The following PUDP variants were observed in gnomAD, a reference collection of about 807,000 sequenced individuals.
PUDP encodes the protein pseudouridine 5'-phosphatase.
A neutral mutation model predicts 9.4 loss-of-function variants in PUDP; 8 were observed. That is an observed-to-expected ratio of 0.85 (90% confidence interval 0.50 to 1.53). The LOEUF is 1.53. Among genes scored for constraint, PUDP ranks in the 40% most tolerant of loss-of-function variants. PUDP has a pLI of 0.00. For missense variants in PUDP, 188 were observed against 189.7 expected (o/e 0.99, Z 0.05); for synonymous variants, 99 against 80.7 (o/e 1.23, Z -1.22).
At chrX:6,758,351 T>C (rs1925193297) in intron 3 of PUDP, among the ~76,000 whole-genome samples, 1 of 110,731 alleles carries the variant, frequency 9.0e-6, no homozygotes, top group South Asian at 3.9e-4. Flanking sequence ...TGGTCCCTGA[T>C]ACTTGGGACA....
intron 2 of PUDP, among the ~76,000 whole-genome samples, chrX:7,098,554 C>A (rs1022650061): frequency 5.4e-5 from 6 of 111,654 alleles, no homozygotes; most frequent in Non-Finnish European, 1.1e-4. Flanking sequence ...GATCATAGTA[C>A]CCCACAGTGG....
At chrX:6,708,176 A>T (rs1256347297) in intron 1 of PUDP, among the ~76,000 whole-genome samples, 1 of 111,927 alleles carries the variant, frequency 8.9e-6, no homozygotes, top group African/African-American at 3.2e-5. Flanking sequence ...GTCTGTTTCC[A>T]CATTCCTGAA....
At chrX:7,112,878 G>A (rs997380299) in intron 1 of PUDP, 2 of 111,707 alleles carry the variant, frequency 1.8e-5, no homozygotes, top group African/African-American at 6.5e-5. Flanking sequence ...GCCCAGGCTA[G>A]TCTTGAACTC....
In PUDP at chrX:6,827,412, C is replaced by T. The variant is rs1926440462; in HGVS notation, c.*248-120946G>A. Among the ~76,000 whole-genome samples, 3 of 111,861 alleles carry T rather than the reference C, an allele frequency of 2.7e-5. No homozygotes were observed. In the Admixed American group the frequency reaches 2.8e-4, roughly 11 times the overall value. ...ACACAATTTTGGGAGTTTAAATACC[C>T]TCTAGAGGATTCTATTGGTTATTTG... is the stretch of plus-strand genomic sequence containing the variant. On this transcript the variant is annotated intron_variant and NMD_transcript_variant, in intron 3 of 3. Transcript: ENST00000655425.
intron 1 of PUDP, among the ~76,000 whole-genome samples, chrX:6,992,264 G>C (rs374846458): frequency 1.1e-5 from 1 of 93,812 alleles, no homozygotes; most frequent in African/African-American, 3.8e-5. Flanking sequence ...GAATTTTCAG[G>C]GTGTCTTTTT....
intron 3 of PUDP, among the ~76,000 whole-genome samples, chrX:6,932,751 G>A (rs778914428): frequency 2.7e-5 from 3 of 111,642 alleles, no homozygotes; most frequent in East Asian, 2.9e-4. Context: ...CTGGAAAATC[G>A]GGTCACTCCC....
intron 1 of PUDP, among the ~76,000 whole-genome samples, chrX:7,117,672 A>G (rs1478322345): frequency 1.8e-5 from 2 of 113,189 alleles, no homozygotes; most frequent in Non-Finnish European, 3.7e-5. Flanking sequence ...CAGGAGAGGA[A>G]TTCAAGCAGG....
intron 3 of PUDP, among the ~76,000 whole-genome samples, chrX:6,945,974 CTT>C: frequency 9.0e-6 from 1 of 111,159 alleles, no homozygotes; most frequent in Non-Finnish European, 1.9e-5. Context: ...CACCATTAGA[CTT>C]GCTTCCCTAA....
rs1208373498 is a variant in PUDP, at chrX:7,094,848, T to G, written c.280+10772A>C. ...TACCATGACTGTCAGCGTACAATTT[T>G]CCTTTTCGCTTGTTGTGTGTGTCCT... On this transcript the variant is annotated intron_variant, in intron 2 of 3. Coordinates refer to ENST00000381077, the MANE Select transcript of PUDP (RefSeq NM_012080.5). Among the ~76,000 whole-genome samples the G allele has an allele frequency of 2.7e-5, 3 of 111,875 alleles. No homozygotes were observed. The Admixed American group carries it at 2.8e-4, about 11-fold the overall frequency.
At chrX:6,899,892 C>A (rs1348530190) in intron 3 of PUDP, among the ~76,000 whole-genome samples, 1 of 111,355 alleles carries the variant, frequency 9.0e-6, no homozygotes. Flanking sequence ...TCAGGCCTAA[C>A]TGGAAAAATT....
At chrX:6,979,977 T>C (rs1337072390) in intron 1 of PUDP, among the ~76,000 whole-genome samples, 1 of 111,165 alleles carries the variant, frequency 9.0e-6, no homozygotes, top group African/African-American at 3.3e-5. Context: ...AGGGGTTACA[T>C]GTGCAGGTTT....
chrX:7,048,301 C>T (rs1930013152), downstream of PUDP, among the ~76,000 whole-genome samples: 1 of 112,067 alleles, frequency 8.9e-6, no homozygotes, highest in Non-Finnish European at 1.9e-5. Context: ...GTCCCTAATA[C>T]GACATACTTT....
intron 3 of PUDP, among the ~76,000 whole-genome samples, chrX:6,731,852 T>C (rs771677126): frequency 1.8e-5 from 2 of 111,098 alleles, no homozygotes; most frequent in African/African-American, 6.5e-5. Context: ...TACTTCATAC[T>C]GAGTTCCTGT....
At chrX:6,751,653 T>G (rs1308832356) in intron 3 of PUDP, among the ~76,000 whole-genome samples, 3 of 111,585 alleles carry the variant, frequency 2.7e-5, no homozygotes, top group Admixed American at 9.6e-5. Flanking sequence ...ACCTTTCATC[T>G]CACTTTAAGA....
At chrX:6,898,314 T>C (rs905974526) in intron 3 of PUDP, among the ~76,000 whole-genome samples, 1 of 113,007 alleles carries the variant, frequency 8.8e-6, no homozygotes, top group African/African-American at 3.2e-5. Flanking sequence ...CAACTCTGTT[T>C]TTCTTTCGGC....
intron 1 of PUDP, among the ~76,000 whole-genome samples, chrX:7,107,436 A>G (rs1191387125): frequency 8.9e-6 from 1 of 112,502 alleles, no homozygotes; most frequent in Non-Finnish European, 1.9e-5. Flanking sequence ...TCATACTCCT[A>G]TGTATGTTCA....
At chrX:6,823,063 G>C (rs1191021799) in intron 3 of PUDP, among the ~76,000 whole-genome samples, 1 of 111,498 alleles carries the variant, frequency 9.0e-6, no homozygotes, top group Non-Finnish European at 1.9e-5. Context: ...ATTACTTTTA[G>C]ACATTAAAAA....
intron 1 of PUDP, among the ~76,000 whole-genome samples, chrX:7,028,033 T>C (rs890952633): frequency 1.9e-5 from 2 of 105,612 alleles, no homozygotes; most frequent in African/African-American, 3.4e-5. Flanking sequence ...AGTTTATATA[T>C]AGAATGATAT....
chrX:7,027,891 A>G (rs1325877658), intron 1 of PUDP, among the ~76,000 whole-genome samples: 1 of 100,545 alleles, frequency 9.9e-6, no homozygotes, highest in Non-Finnish European at 2.0e-5. Flanking sequence ...TTTTCTATAT[A>G]TAGACTATAT....
Sources: allele counts gnomAD v4.1 joint callset (sites outside exome capture counted in the v4.1 genomes callset), GRCh38; gene constraint gnomAD v4.1.1; transcripts MANE v1.5; gene names NCBI Gene and HGNC (gene_info 2026-07-23, HGNC 2026-07-21).